Variants in PARD3 observed in about 807,000 individuals in gnomAD.
The protein encoded by PARD3 is par-3 family cell polarity regulator, also known as partitioning defective 3 homolog.
Under a neutral mutation model 155.4 loss-of-function variants are expected in PARD3, and 75 were observed. The ratio of observed to expected loss-of-function variants is 0.48; its 90% CI spans 0.40 to 0.58. The LOEUF (loss-of-function observed/expected upper bound fraction) is 0.58. Among genes scored for constraint, PARD3 ranks in the 20% least tolerant of loss-of-function variants. PARD3 has a pLI of 0.00. For synonymous variants in PARD3, 576 were observed against 610.5 expected (o/e 0.94, Z 0.83); for missense variants, 1,642 against 1,721.7 (o/e 0.95, Z 0.82).
At chr10:34,326,308 C>T (rs1370025300) in intron 19 of PARD3, among the ~76,000 whole-genome samples, 2 of 152,088 alleles carry the variant, frequency 1.3e-5, no homozygotes, top group Non-Finnish European at 2.9e-5. Context: ...AAAAATTAAT[C>T]GAAGCTCCCT....
chr10:34,413,760 T>C (rs1331051549), intron 5 of PARD3, among the ~76,000 whole-genome samples: 1 of 152,010 alleles, frequency 6.6e-6, no homozygotes, highest in Non-Finnish European at 1.5e-5. Flanking sequence ...TTTTAAAAAA[T>C]TGGAATTGCA....
intron 1 of PARD3, among the ~76,000 whole-genome samples, chr10:34,804,346 T>C (rs1020002802): frequency 2.0e-5 from 3 of 152,222 alleles, no homozygotes; most frequent in Non-Finnish European, 2.9e-5. Context: ...CAAGATCAAC[T>C]TGATTTGTCT....
chr10:34,647,769 C>G (rs972907280), intron 2 of PARD3, among the ~76,000 whole-genome samples: 2 of 152,158 alleles, frequency 1.3e-5, no homozygotes, highest in South Asian at 2.1e-4. Context: ...TTGCTAAGGC[C>G]TATTTGAGAG....
At chr10:34,801,283 A>G (rs1318210106) in intron 1 of PARD3, among the ~76,000 whole-genome samples, 1 of 152,210 alleles carries the variant, frequency 6.6e-6, no homozygotes, top group African/African-American at 2.4e-5. Context: ...AAGGGATCAG[A>G]GTCAAAATAG....
chr10:34,267,314 A>G (rs1418084088), intron 22 of PARD3, among the ~76,000 whole-genome samples: 1 of 152,170 alleles, frequency 6.6e-6, no homozygotes, highest in Non-Finnish European at 1.5e-5. Context: ...GTCACTGATA[A>G]TAATTGTATT....
intron 22 of PARD3, among the ~76,000 whole-genome samples, chr10:34,208,321 T>C (rs1951575388): frequency 6.6e-6 from 1 of 152,214 alleles, no homozygotes; most frequent in South Asian, 2.1e-4. Context: ...GTGAAGACTG[T>C]CTGCAGGTGG....
At chr10:34,666,826 C>G (rs1203486954) in intron 2 of PARD3, among the ~76,000 whole-genome samples, 3 of 113,068 alleles carry the variant, frequency 2.7e-5, no homozygotes, top group African/African-American at 1.0e-4. Flanking sequence ...TACACACACA[C>G]ACACACACAC....
Position 34,178,556 on chromosome 10 carries a change from A to AT in PARD3, c.3420-46974_3420-46973insA, listed in dbSNP as rs1950133907. Among the ~76,000 whole-genome samples, 3 of 152,236 alleles carry AT rather than the reference A, an allele frequency of 2.0e-5. No homozygotes were observed. In the South Asian group the frequency reaches 6.2e-4, roughly 31 times the overall value. On this transcript the variant is annotated intron_variant, in intron 22 of 24. Coordinates refer to ENST00000374788, the MANE Select transcript of PARD3 (RefSeq NM_001184785.2). ...TCCCAAGGAAAAACAGGGATAAGAA[A>AT]GTAAACCTCCTGGATCCTCCTCAAA...
intron 21 of PARD3, among the ~76,000 whole-genome samples, chr10:34,275,870 G>A (rs1042918837): frequency 6.6e-6 from 1 of 152,046 alleles, no homozygotes; most frequent in Admixed American, 6.6e-5. Context: ...TTATCTCCAA[G>A]ATGTAAGAGT....
chr10:34,710,341 A>T (rs987649626), intron 1 of PARD3, among the ~76,000 whole-genome samples: 2 of 152,214 alleles, frequency 1.3e-5, no homozygotes, highest in African/African-American at 4.8e-5. Context: ...GTGCTTGTCT[A>T]TATTTCCTGG....
intron 3 of PARD3, among the ~76,000 whole-genome samples, chr10:34,488,049 A>T (rs1446162023): frequency 6.6e-6 from 1 of 152,126 alleles, no homozygotes; most frequent in East Asian, 1.9e-4. Flanking sequence ...ATAAAAGCGT[A>T]ATCTTTTTCT....
chr10:34,746,564 G>A (rs562023618), intron 1 of PARD3, among the ~76,000 whole-genome samples: 1 of 152,210 alleles, frequency 6.6e-6, no homozygotes, highest in African/African-American at 2.4e-5. Context: ...ATGCCCATAA[G>A]TAGCCCAAAC....
intron 20 of PARD3, among the ~76,000 whole-genome samples, chr10:34,299,925 T>G (rs1274318510): frequency 2.0e-5 from 3 of 152,048 alleles, no homozygotes; most frequent in Non-Finnish European, 4.4e-5. Flanking sequence ...TAAAAGAAAA[T>G]CAAAATTGTG....
chr10:34,666,506 A>C (rs1313447212), intron 2 of PARD3, among the ~76,000 whole-genome samples: 2 of 152,010 alleles, frequency 1.3e-5, no homozygotes, highest in Non-Finnish European at 2.9e-5. Flanking sequence ...AACCCCGAGC[A>C]CATTGCCAGA....
At chr10:34,116,691 G>A (rs1007263637) in intron 24 of PARD3, among the ~76,000 whole-genome samples, 4 of 152,196 alleles carry the variant, frequency 2.6e-5, no homozygotes, top group African/African-American at 7.2e-5. Flanking sequence ...ACCAGCCTCC[G>A]CTGCCCAAAC....
intron 22 of PARD3, among the ~76,000 whole-genome samples, chr10:34,213,493 T>G (rs1951852524): frequency 6.6e-6 from 1 of 152,230 alleles, no homozygotes; most frequent in African/African-American, 2.4e-5. Flanking sequence ...ACAGCGCAGA[T>G]GAAGCCAACC....
intron 22 of PARD3, among the ~76,000 whole-genome samples, chr10:34,215,661 A>G (rs914898056): frequency 6.6e-6 from 1 of 152,252 alleles, no homozygotes; most frequent in Non-Finnish European, 1.5e-5. Context: ...ACATAAACAT[A>G]GGCTTAACTT....
chr10:34,274,275 T>G (rs1255642783), intron 21 of PARD3, among the ~76,000 whole-genome samples: 3 of 152,230 alleles, frequency 2.0e-5, no homozygotes, highest in African/African-American at 4.8e-5. Flanking sequence ...TTTAAATTTT[T>G]ACGCCATTTA....
chr10:34,240,771 A>G (rs1442022229), intron 22 of PARD3, among the ~76,000 whole-genome samples: 1 of 152,080 alleles, frequency 6.6e-6, no homozygotes, highest in East Asian at 1.9e-4. Context: ...CTCCAGAGCA[A>G]GATTTTCTGA....
Sources: gnomAD v4.1 joint callset for allele counts (sites outside exome capture counted in the v4.1 genomes callset) on GRCh38, gnomAD v4.1.1 for gene constraint, MANE v1.5 for transcripts, NCBI Gene and HGNC (gene_info 2026-07-23, HGNC 2026-07-21) for gene names.